Variants in RCCD1 observed in about 807,000 individuals in gnomAD.
The protein encoded by RCCD1 is RCC1 domain containing 1, also known as RCC1 domain-containing protein 1.
In RCCD1, 40 loss-of-function variants were observed where a neutral mutation model predicts 37.6. That is an observed-to-expected ratio of 1.06 (90% CI 0.83 to 1.39). The LOEUF is 1.39. RCCD1 is among the 40% of genes most tolerant of loss of function. The probability of loss-of-function intolerance (pLI) is 0.00; values close to 1 mark genes in which losing one functional copy is unlikely to be tolerated. For synonymous variants in RCCD1, 263 were observed against 230.0 expected (o/e 1.14, Z -1.30); for missense variants, 577 against 517.3 (o/e 1.12, Z -1.12).
rs572649356 is a variant in RCCD1, at chr15:90,962,702, C to T, written c.*933C>T. 1 of 152,294 alleles carries T rather than the reference C, an allele frequency of 6.6e-6. No homozygotes were observed. Among genetic ancestry groups the T allele is most frequent in the African/African-American group, 2.4e-5 (1 of 41,572 alleles). 9.4% of individuals were successfully genotyped at this position (152,294 alleles called of 1,614,324 possible). ...GGCGAAGAGTTCATATGTTTATTGG[C>T]CACTTGGAGTTTTTCTGTTGTCAAG... On this transcript the variant is annotated 3_prime_UTR_variant, in exon 8 of 8. Transcript: ENST00000394258.
Position 90,960,718 on chromosome 15 carries a change from C to T in RCCD1, c.949+220C>T, listed in dbSNP as rs2037298019. The T allele has an allele frequency of 1.3e-5, 8 of 611,384 alleles. No homozygotes were observed. The South Asian group carries it at 1.4e-4, about 11-fold the overall frequency. 37.9% of individuals were successfully genotyped at this position (611,384 alleles called of 1,614,324 possible). A position where few individuals can be genotyped will look rare whatever the true frequency, so the allele number is the denominator to read the frequency against. ...CTGGTGGGAGGCTGATGCTTTCTGT[C>T]CTCCCTGCACGGCCACAGACACATT... On this transcript the variant is annotated intron_variant, in intron 6 of 7. Transcript: ENST00000394258.
chr15:90,960,632 C>A, intron 6 of RCCD1, 134 bp downstream of exon 6: 1 of 811,718 alleles, frequency 1.2e-6, no homozygotes, highest in Admixed American at 2.9e-5. Context: ...TGGATAAGCC[C>A]CAACCCCCTT....
chr15:90,954,902 A>C lies in RCCD1; in HGVS notation c.-170A>C, dbSNP rs2037129970. On this transcript the variant is annotated 5_prime_UTR_variant, in exon 1 of 8. Transcript: ENST00000394258. ...AAAAGCTGCTTCCTGTTGGGGCATG[A>C]GTCCGGCGCGTGTCGGGTTTTGAGC... The C allele has an allele frequency of 6.6e-6, 1 of 152,328 alleles. No individual in the cohort carries two copies. The highest frequency in any genetic ancestry group is 2.4e-5 in the African/African-American group (1 of 41,462). The allele number at this position is 152,328 out of a possible 1,614,324, so 9.4% of individuals were successfully genotyped here. A position where few individuals can be genotyped will look rare whatever the true frequency, so the allele number is the denominator to read the frequency against.
At chr15:90,960,562 GACGGAAAA>G (rs1000139699) in intron 6 of RCCD1, 64 bp downstream of exon 6, 22 of 1,506,540 alleles carry the variant, frequency 1.5e-5, no homozygotes, top group Non-Finnish European at 1.9e-5. Context: ...GGGTGTGGTC[GACGGAAAA>G]ACTTCTGTCT....
At chr15:90,955,203 C>T (rs1388613454) in intron 1 of RCCD1, 1 of 152,254 alleles carries the variant, frequency 6.6e-6, no homozygotes, top group Admixed American at 6.5e-5. Flanking sequence ...GCCTCGGGAC[C>T]GGAGAGGCCC....
chr15:90,961,579 C>G, intron 7 of RCCD1, 39 bp from the exon 8 acceptor site: 1 of 1,591,666 alleles, frequency 6.3e-7, no homozygotes, highest in Non-Finnish European at 8.6e-7. Flanking sequence ...GCAGCAAGAC[C>G]CAGTGGAGAC....
intron 2 of RCCD1, 33 bp downstream of exon 2, chr15:90,956,933 C>T: frequency 3.9e-6 from 5 of 1,269,362 alleles, no homozygotes; most frequent in Non-Finnish European, 5.0e-6. Context: ...CCACTTATTC[C>T]AGCCGCGCTC....
intron 4 of RCCD1, 53 bp downstream of exon 4, chr15:90,957,778 C>T: frequency 1.9e-6 from 3 of 1,541,864 alleles, no homozygotes; most frequent in Non-Finnish European, 2.6e-6. Flanking sequence ...GCAAACCTTC[C>T]TCCTCGTTTT....
chr15:90,958,348 G>C (rs957866345), intron 4 of RCCD1, among the ~76,000 whole-genome samples: 2 of 152,290 alleles, frequency 1.3e-5, no homozygotes, highest in East Asian at 3.9e-4. Context: ...ATGCCAGGGG[G>C]CCGGGCGTAG....
At position 90,957,210 on chromosome 15, in the gene RCCD1, CG is replaced by C; in HGVS notation, c.267del (p.Pro90ArgfsTer55). 1 of 1,409,798 alleles carries C rather than the reference CG, an allele frequency of 7.1e-7. No homozygotes were observed. Among genetic ancestry groups the C allele is most frequent in the African/African-American group, 1.5e-5 (1 of 65,810 alleles). The allele number at this position is 1,409,798 out of a possible 1,614,324, so 87.3% of individuals were successfully genotyped here. On this transcript the variant is annotated frameshift_variant, in exon 3 of 8. Transcript: ENST00000394258. LOFTEE classifies it high-confidence loss of function. ...AGGGGCTCCTCGCGGTGCTGCGCGCCGGGCCGGGGCCGGAGGCGTTACTGCA... is the reference window on the plus strand; with the variant it reads ...AGGGGCTCCTCGCGGTGCTGCGCGCCGGCCGGGGCCGGAGGCGTTACTGCA... ...SEGLLAVLRAGPGPEALLQVW... is the reference protein window; with the variant it reads ...SEGLLAVLRAXPGPEALLQVW...
Position 90,959,881 on chromosome 15 carries a change from T to C in RCCD1, c.680-19T>C. The C allele has an allele frequency of 1.3e-6, 2 of 1,570,710 alleles. No individual in the cohort carries two copies. Among genetic ancestry groups the C allele is most frequent in the Non-Finnish European group, 1.7e-6 (2 of 1,146,060 alleles). Reference sequence around the variant, plus strand: ...GGGGCTTCACAGTCTGTTTCATGTGTCCCCTTGATCTCTTTCAGAGACTGG... The same window carrying C: ...GGGGCTTCACAGTCTGTTTCATGTGCCCCCTTGATCTCTTTCAGAGACTGG... On this transcript the variant is annotated intron_variant, in intron 4 of 7. Transcript: ENST00000394258.
Position 90,957,304 on chromosome 15 carries a change from G to A in RCCD1, c.358G>A (p.Glu120Lys). Residue 120 changes from glutamate (E) to lysine (K), a missense_variant, in exon 3 of 8, where the codon GAA (glutamate) becomes AAA (lysine). Coordinates refer to ENST00000394258, the MANE Select transcript of RCCD1 (RefSeq NM_001017919.2). ...GGCCCAGAATGTGGTGCCCGAGGCC[G>A]AAGGGGAAGACGATCCGGCCGGTGA... ...LWAQNVVPEAEGEDDPAGEAQ... is the reference protein window; with the variant it reads ...LWAQNVVPEAKGEDDPAGEAQ... The A allele has an allele frequency of 6.5e-7, 1 of 1,535,202 alleles. No individual in the cohort carries two copies. Among genetic ancestry groups the A allele is most frequent in the Non-Finnish European group, 8.8e-7 (1 of 1,138,572 alleles).
At chr15:90,960,041 G>A (rs1241244033) in intron 5 of RCCD1, 43 bp downstream of exon 5, 3 of 1,487,366 alleles carry the variant, frequency 2.0e-6, no homozygotes, top group Non-Finnish European at 2.8e-6. Flanking sequence ...CCCAGGATGT[G>A]GCTGTCATTC....
At chr15:90,959,773 G>A (rs986445762) in intron 4 of RCCD1, 127 bp from the exon 5 acceptor site, 8 of 667,314 alleles carry the variant, frequency 1.2e-5, no homozygotes, top group Non-Finnish European at 2.0e-5. Context: ...AAGCGCCTTG[G>A]CCTGGAGTGC....
At chr15:90,959,507 G>A (rs971985609) in intron 4 of RCCD1, among the ~76,000 whole-genome samples, 1 of 152,110 alleles carries the variant, frequency 6.6e-6, no homozygotes, top group African/African-American at 2.4e-5. Flanking sequence ...GGCTAGTCTC[G>A]AACTTTTGAG....
In RCCD1 at chr15:90,960,324, G is replaced by A. The variant is rs1442446720; in HGVS notation, c.779-4G>A. The A allele has an allele frequency of 6.3e-7, 1 of 1,592,746 alleles. No individual in the cohort carries two copies. Among genetic ancestry groups the A allele is most frequent in the Non-Finnish European group, 8.6e-7 (1 of 1,169,102 alleles). ...GTGTTCACATCATTATTATCATTCT[G>A]AAGCCACAGAACTGAATGAAGATGG... On this transcript the variant is annotated splice_region_variant and splice_polypyrimidine_tract_variant and intron_variant, in intron 5 of 7. Transcript: ENST00000394258.
At position 90,957,490 on chromosome 15, in the gene RCCD1, T is replaced by C; in HGVS notation, c.544T>C (p.Trp182Arg). 6.4e-7 allele frequency: 1 copy of C among 1,554,932 alleles called. No individual in the cohort carries two copies. The highest frequency in any genetic ancestry group is 8.7e-7 in the Non-Finnish European group (1 of 1,152,862). The change falls in exon 3 of 8, where the codon TGG (tryptophan) becomes CGG (arginine). Residue 182 changes from tryptophan to arginine, a missense_variant. Physicochemically the swap from Trp to Arg is moderately radical, Grantham distance 101. Coordinates refer to ENST00000394258, the MANE Select transcript of RCCD1 (RefSeq NM_001017919.2). Reference protein sequence around the residue: ...LLDAAGQVFSWGGGRHGQLGH... With the variant: ...LLDAAGQVFSRGGGRHGQLGH... ...GGACGCTGCTGGCCAGGTGTTCTCC[T>C]GGGGCGGGGGCAGGTGAGCGGAGGC...
At position 90,961,789 on chromosome 15, in the gene RCCD1, A is replaced by G. The variant is rs757808068; in HGVS notation, c.*20A>G. On this transcript the variant is annotated 3_prime_UTR_variant, in exon 8 of 8. Coordinates refer to ENST00000394258, the MANE Select transcript of RCCD1 (RefSeq NM_001017919.2). ...AGCTGACATGTGTACGTATATGTAT[A>G]TGCAACACCTGTGAGACCCCCATTC... 44 of 1,603,816 alleles carry G rather than the reference A, an allele frequency of 2.7e-5. No individual in the cohort carries two copies. The South Asian group carries it at 4.2e-4, about 15-fold the overall frequency.
In RCCD1 at chr15:90,957,427, C is replaced by G. The variant is rs906234519; in HGVS notation, c.481C>G (p.Arg161Gly). ...YRPLAPELRA[R>G]QLELGAEHAL... ...GCCTCTGGCTCCGGAGCTGCGGGCA[C>G]GCCAGCTGGAGCTGGGCGCCGAGCA... The change falls in exon 3 of 8, where the codon CGC (arginine) becomes GGC (glycine). Residue 161 changes from arginine (R) to glycine (G), a missense_variant. Physicochemically the swap from Arg to Gly is moderately radical, Grantham distance 125. Transcript: ENST00000394258. The G allele has an allele frequency of 2.5e-5, 39 of 1,539,218 alleles. No homozygotes were observed. Among genetic ancestry groups the G allele is most frequent in the Non-Finnish European group, 3.4e-5 (39 of 1,145,644 alleles).
Sources: allele counts gnomAD v4.1 joint callset (sites outside exome capture counted in the v4.1 genomes callset), GRCh38; gene constraint gnomAD v4.1.1; transcripts MANE v1.5; gene names NCBI Gene and HGNC (gene_info 2026-07-23, HGNC 2026-07-21).